VTCN1: variants seen among roughly 807,000 people sequenced by gnomAD.
The protein encoded by VTCN1 is V-set domain containing T cell activation inhibitor 1.
Under a neutral mutation model 26.5 loss-of-function variants are expected in VTCN1, and 26 were observed. That is an observed-to-expected ratio of 0.98 (90% CI 0.72 to 1.36). The LOEUF (loss-of-function observed/expected upper bound fraction) is 1.36, where lower values mean the gene tolerates loss of function less well. Among genes scored for constraint, VTCN1 ranks in the 40% most tolerant of loss-of-function variants. The probability of loss-of-function intolerance (pLI) is 0.00; values close to 1 mark genes in which losing one functional copy is unlikely to be tolerated. For missense variants in VTCN1, 298 were observed against 337.7 expected (o/e 0.88, Z 0.92); for synonymous variants, 116 against 130.7 (o/e 0.89, Z 0.77).
chr1:117,192,303 T>G (rs889118139), intron 1 of VTCN1, among the ~76,000 whole-genome samples: 1 of 151,928 alleles, frequency 6.6e-6, no homozygotes, highest in Non-Finnish European at 1.5e-5. Context: ...AACAAAACTG[T>G]CCTTCAGAAA....
intron 1 of VTCN1, among the ~76,000 whole-genome samples, chr1:117,207,192 G>A (rs1649110631): frequency 6.6e-6 from 1 of 152,152 alleles, no homozygotes; most frequent in Non-Finnish European, 1.5e-5. Context: ...CTTGTCCCAG[G>A]ATCCCTCATT....
intron 1 of VTCN1, among the ~76,000 whole-genome samples, chr1:117,178,588 G>GTTTTTTTTTTTTTTTTTTTTT (rs10657719): frequency 2.3e-5 from 2 of 88,274 alleles, no homozygotes; most frequent in African/African-American, 4.9e-5. Flanking sequence ...TCTTTCTTTC[G>GTTTTTTTTTTTTTTTTTTTTT]TTTTTTTTTT....
At chr1:117,204,483 T>A (rs1648944008) in intron 1 of VTCN1, among the ~76,000 whole-genome samples, 1 of 152,136 alleles carries the variant, frequency 6.6e-6, no homozygotes. Flanking sequence ...CTCTCAGATT[T>A]GTGGATTCTT....
Position 117,153,967 on chromosome 1 carries a change from G to T in VTCN1, c.446-598C>A, listed in dbSNP as rs116803672. Among the ~76,000 whole-genome samples the T allele has an allele frequency of 3.5e-3, 536 of 152,310 alleles. 1 individual carries two copies. Among genetic ancestry groups the T allele is most frequent in the African/African-American group, 0.012 (510 of 41,562 alleles). ...AATTCTCCTCGCAGGAGAGTTAACT[G>T]CATTTTGAAATTAAGACTTAGCTTC... On this transcript the variant is annotated intron_variant, in intron 3 of 5. Transcript: ENST00000369458.
At chr1:117,210,334 C>T (rs193049925) in intron 1 of VTCN1, among the ~76,000 whole-genome samples, 1 of 152,092 alleles carries the variant, frequency 6.6e-6, no homozygotes, top group Non-Finnish European at 1.5e-5. Flanking sequence ...GTGAATTGCT[C>T]AAGAGTAGCA....
At chr1:117,190,046 A>G (rs1648170899) in intron 1 of VTCN1, among the ~76,000 whole-genome samples, 1 of 152,246 alleles carries the variant, frequency 6.6e-6, no homozygotes, top group African/African-American at 2.4e-5. Context: ...TAAGGAGCCC[A>G]GGAGGAGTCA....
chr1:117,182,147 C>G (rs968170122), intron 1 of VTCN1, among the ~76,000 whole-genome samples: 9 of 152,106 alleles, frequency 5.9e-5, no homozygotes, highest in African/African-American at 1.9e-4. Context: ...CTACGAAAGC[C>G]CATACACCTG....
intron 1 of VTCN1, among the ~76,000 whole-genome samples, chr1:117,203,201 T>G (rs1300544727): frequency 6.6e-6 from 1 of 151,936 alleles, no homozygotes; most frequent in Non-Finnish European, 1.5e-5. Context: ...CTGGTTTCTC[T>G]TTTCTCAGTG....
Position 117,147,599 on chromosome 1 carries a change from G to A in VTCN1, c.*45+14C>T. On this transcript the variant is annotated intron_variant, in intron 5 of 5. Transcript: ENST00000369458. The surrounding 1 kb of genome is among the most constrained non-coding windows in gnomAD (Gnocchi z 4.6). Reference sequence around the variant, plus strand: ...ACAGAACCAATATCCCACACTATTTGTGATTAATCTCACCTGTTGTAACAA... The same window carrying A: ...ACAGAACCAATATCCCACACTATTTATGATTAATCTCACCTGTTGTAACAA... 3.1e-6 allele frequency: 5 copies of A among 1,596,364 alleles called. No individual in the cohort carries two copies. Among genetic ancestry groups the A allele is most frequent in the Non-Finnish European group, 3.4e-6 (4 of 1,172,392 alleles).
chr1:117,207,135 T>G (rs143022730), intron 1 of VTCN1, among the ~76,000 whole-genome samples: 1 of 152,128 alleles, frequency 6.6e-6, no homozygotes, highest in African/African-American at 2.4e-5. Context: ...CTTGCAAACT[T>G]AGGAGAAATG....
rs927771371 is a variant in VTCN1 at position 117,183,947 on chromosome 1, C to A, written c.33-13776G>T. On this transcript the variant is annotated intron_variant, in intron 1 of 5. Coordinates refer to ENST00000369458, the MANE Select transcript of VTCN1 (RefSeq NM_024626.4). The surrounding 1 kb of genome is among the most constrained non-coding windows in gnomAD (Gnocchi z 4.1). The stretch of plus-strand genomic sequence containing the variant: ...GCGCAATGGCTATGCATTCCAGGGA[C>A]CAAAAGCTTCTGTCTTCAGAGCCAT... Among the ~76,000 whole-genome samples the A allele has an allele frequency of 2.0e-5, 3 of 152,038 alleles. No homozygotes were observed. In the South Asian group the frequency reaches 6.2e-4, roughly 32 times the overall value.
intron 2 of VTCN1, among the ~76,000 whole-genome samples, chr1:117,168,296 T>C (rs910341753): frequency 5.9e-5 from 9 of 152,188 alleles, no homozygotes; most frequent in African/African-American, 2.2e-4. Context: ...ACCATGACGG[T>C]ACTGAAGGGA....
intron 1 of VTCN1, among the ~76,000 whole-genome samples, chr1:117,177,921 CTTTT>C (rs79283862): frequency 8.4e-6 from 1 of 119,058 alleles, no homozygotes; most frequent in Non-Finnish European, 1.8e-5. Flanking sequence ...GTTTTCTTTT[CTTTT>C]TTTTTTTTTT....
At chr1:117,154,074 T>C (rs1651938745) in intron 3 of VTCN1, among the ~76,000 whole-genome samples, 1 of 152,208 alleles carries the variant, frequency 6.6e-6, no homozygotes, top group Non-Finnish European at 1.5e-5. Flanking sequence ...AATTTATTAA[T>C]TTATTTGGCG....
chr1:117,179,266 G>A (rs931406846), intron 1 of VTCN1, among the ~76,000 whole-genome samples: 3 of 152,124 alleles, frequency 2.0e-5, no homozygotes, highest in African/African-American at 4.8e-5. Context: ...TTGCTGTGTC[G>A]ACCAAAAATG....
chr1:117,162,014 G>A (rs117498426), intron 2 of VTCN1, among the ~76,000 whole-genome samples: 26 of 152,280 alleles, frequency 1.7e-4, no homozygotes, highest in East Asian at 9.6e-4. Flanking sequence ...TAGGGAATCC[G>A]TTGAAATATC....
rs575897446 is a variant in VTCN1, at chr1:117,197,669, G to A, written c.32+13155C>T. Among the ~76,000 whole-genome samples, 5 of 152,214 alleles carry A rather than the reference G, an allele frequency of 3.3e-5. No homozygotes were observed. In the East Asian group the frequency reaches 9.7e-4, roughly 29 times the overall value. On this transcript the variant is annotated intron_variant, in intron 1 of 5. Coordinates refer to ENST00000369458, the MANE Select transcript of VTCN1 (RefSeq NM_024626.4). ...CCTTTGCTTGGCCTGCTCCCACCCT[G>A]TGGAGCATTATTTCATTTTCAATAC...
rs757863532 is a variant in VTCN1, at chr1:117,147,501, T to C, written c.*45+112A>G. 2.5e-5 allele frequency: 22 copies of C among 866,976 alleles called. No homozygotes were observed. Among genetic ancestry groups the C allele is most frequent in the Non-Finnish European group, 3.4e-5 (20 of 583,034 alleles). 53.7% of individuals were successfully genotyped at this position (866,976 alleles called of 1,614,324 possible). ...ACTAGTGGAAATAATGTCACAGCCC[T>C]GGTGTCATTAAATGTTTCTTTCTGT... On this transcript the variant is annotated intron_variant, in intron 5 of 5. Transcript: ENST00000369458. This position sits in a 1 kb window ranked among gnomAD's most constrained non-coding sequence, Gnocchi z 4.6.
chr1:117,196,120 C>G (rs1033503227), intron 1 of VTCN1, among the ~76,000 whole-genome samples: 3 of 151,838 alleles, frequency 2.0e-5, no homozygotes, highest in Non-Finnish European at 2.9e-5. Context: ...CCACTGCACT[C>G]CAGGTGAGGC....
Sources: allele counts gnomAD v4.1 joint callset (sites outside exome capture counted in the v4.1 genomes callset), GRCh38; gene constraint gnomAD v4.1.1; non-coding constraint Gnocchi (gnomAD v3.1); transcripts MANE v1.5; gene names NCBI Gene and HGNC (gene_info 2026-07-23, HGNC 2026-07-21).